Variants in QKI observed in about 807,000 individuals in gnomAD.
QKI encodes QKI, KH domain containing RNA binding.
A neutral mutation model predicts 39.0 loss-of-function variants in QKI; 10 were observed. That is an observed-to-expected ratio of 0.26 (90% confidence interval 0.16 to 0.43). The LOEUF is 0.43. QKI is among the 20% of genes least tolerant of loss of function. The pLI, the probability that QKI is intolerant of heterozygous loss-of-function variation, is 1.00. For synonymous variants in QKI, 204 were observed against 155.4 expected (o/e 1.31, Z -2.33); for missense variants, 218 against 428.0 (o/e 0.51, Z 4.33).
chr6:163,506,883 C>A (rs113299922), intron 3 of QKI, among the ~76,000 whole-genome samples: 2,016 of 152,260 alleles, frequency 0.013, 45 homozygotes, highest in South Asian at 0.062. Flanking sequence ...TTACCCACTT[C>A]ATTCCTCCCA....
chr6:163,427,009 C>T (rs1788457884), intron 1 of QKI, among the ~76,000 whole-genome samples: 2 of 152,250 alleles, frequency 1.3e-5, no homozygotes, highest in South Asian at 4.1e-4. Flanking sequence ...TTCTGGGGCA[C>T]AAGGCTTCCC....
intron 3 of QKI, among the ~76,000 whole-genome samples, chr6:163,510,692 C>G (rs1466171733): frequency 1.3e-5 from 2 of 151,976 alleles, no homozygotes; most frequent in Admixed American, 6.6e-5. Context: ...AAATAGATTG[C>G]AACAGAAAAA....
chr6:163,435,530 G>C (rs1291294800), intron 1 of QKI, among the ~76,000 whole-genome samples: 3 of 152,140 alleles, frequency 2.0e-5, no homozygotes, highest in Non-Finnish European at 4.4e-5. Flanking sequence ...TGCTTGGCCT[G>C]CTTAGTTCAG....
Position 163,566,753 on chromosome 6 carries a change from A to G in QKI, c.967A>G (p.Met323Val), listed in dbSNP as rs1455765936. ...AVATKVRRHD[M>V]RVHPYQRIVT... ...GGCTACTAAAGTTCGAAGGCACGAT[A>G]TGCGTGTCCATCCTTACCAAAGGAT... Residue 323 changes from methionine (M) to valine (V), a missense_variant, in exon 7 of 8, where the codon ATG (methionine) becomes GTG (valine). Met to Val is a conservative substitution (Grantham distance 21). This residue lies in a region of QKI where 117 missense variants were observed against 186.0 expected (regional missense o/e 0.63). Coordinates refer to ENST00000361752, the MANE Select transcript of QKI (RefSeq NM_006775.3). The G allele has an allele frequency of 5.0e-6, 8 of 1,613,744 alleles. No individual in the cohort carries two copies. The highest frequency in any genetic ancestry group is 6.8e-6 in the Non-Finnish European group (8 of 1,179,876).
chr6:163,434,698 G>A (rs939210317), intron 1 of QKI, among the ~76,000 whole-genome samples: 3 of 151,778 alleles, frequency 2.0e-5, no homozygotes, highest in African/African-American at 7.3e-5. Context: ...CTGGGCAACA[G>A]TGTGAGACTC....
intron 3 of QKI, among the ~76,000 whole-genome samples, chr6:163,500,738 C>CA (rs1473702472): frequency 6.6e-6 from 1 of 152,096 alleles, no homozygotes; most frequent in Non-Finnish European, 1.5e-5. Context: ...AAAAAACCAA[C>CA]AAATACTTTA....
intron 1 of QKI, among the ~76,000 whole-genome samples, chr6:163,433,103 T>G (rs1216421986): frequency 1.3e-5 from 2 of 152,186 alleles, no homozygotes; most frequent in Admixed American, 1.3e-4. Flanking sequence ...ACAAGAGGCT[T>G]CTTTTTACAT....
chr6:163,553,092 T>G (rs1455512140), intron 4 of QKI, among the ~76,000 whole-genome samples: 1 of 137,716 alleles, frequency 7.3e-6, no homozygotes, highest in Non-Finnish European at 1.5e-5. Context: ...ATTTATTTAT[T>G]TATTTATTTA....
intron 2 of QKI, among the ~76,000 whole-genome samples, chr6:163,466,516 A>G (rs868182596): frequency 6.6e-6 from 1 of 152,342 alleles, no homozygotes; most frequent in Middle Eastern, 3.4e-3. Flanking sequence ...TGCTTCTGGC[A>G]TAAAAACAGA....
intron 4 of QKI, among the ~76,000 whole-genome samples, chr6:163,557,869 G>A (rs549009441): frequency 1.3e-5 from 2 of 151,948 alleles, no homozygotes; most frequent in East Asian, 3.9e-4. Flanking sequence ...AAGATCTTGG[G>A]AGTCCACTGC....
intron 3 of QKI, among the ~76,000 whole-genome samples, chr6:163,494,060 C>T (rs556173719): frequency 2.0e-5 from 3 of 152,264 alleles, no homozygotes; most frequent in South Asian, 4.1e-4. Flanking sequence ...CCTAAATTTG[C>T]TGTATACCTT....
chr6:163,456,276 A>T (rs1386739851), intron 2 of QKI, among the ~76,000 whole-genome samples: 2 of 152,056 alleles, frequency 1.3e-5, no homozygotes, highest in Non-Finnish European at 2.9e-5. Context: ...TAGCACTTAT[A>T]ATCGGGCATT....
chr6:163,499,553 T>G (rs956667849), intron 3 of QKI, among the ~76,000 whole-genome samples: 12 of 152,222 alleles, frequency 7.9e-5, no homozygotes, highest in Non-Finnish European at 1.6e-4. Flanking sequence ...TTAGCATCAC[T>G]GACAGTGTAC....
intron 1 of QKI, among the ~76,000 whole-genome samples, chr6:163,417,292 T>A (rs945258673): frequency 1.3e-5 from 2 of 152,134 alleles, no homozygotes; most frequent in African/African-American, 4.8e-5. Flanking sequence ...AGGAATCCTT[T>A]ATCGACGATA....
At chr6:163,438,758 T>G (rs568593644) in intron 1 of QKI, among the ~76,000 whole-genome samples, 1 of 152,256 alleles carries the variant, frequency 6.6e-6, no homozygotes, top group East Asian at 1.9e-4. Context: ...TGAGTGAATG[T>G]GTGAAAGTCC....
At chr6:163,524,938 T>C (rs962334197) in intron 3 of QKI, among the ~76,000 whole-genome samples, 3 of 152,220 alleles carry the variant, frequency 2.0e-5, no homozygotes, top group Non-Finnish European at 2.9e-5. Context: ...ACTATCTTTA[T>C]GTCTCTTTTG....
chr6:163,521,733 C>T (rs1482757387), intron 3 of QKI, among the ~76,000 whole-genome samples: 1 of 152,104 alleles, frequency 6.6e-6, no homozygotes, highest in Non-Finnish European at 1.5e-5. Context: ...GTTGGCCAGG[C>T]TGGTCTTGAA....
At chr6:163,531,971 T>C (rs1160885130) in intron 3 of QKI, among the ~76,000 whole-genome samples, 1 of 152,264 alleles carries the variant, frequency 6.6e-6, no homozygotes, top group Non-Finnish European at 1.5e-5. Flanking sequence ...TAGATGTAGC[T>C]TTCTCCTATT....
intron 1 of QKI, among the ~76,000 whole-genome samples, chr6:163,420,066 GCTTTGA>G (rs1177399710): frequency 1.3e-5 from 2 of 151,512 alleles, no homozygotes; most frequent in African/African-American, 2.4e-5. Flanking sequence ...AAACCCTCAT[GCTTTGA>G]CCTGGCCTTC....
Sources: gnomAD v4.1 joint callset for allele counts (sites outside exome capture counted in the v4.1 genomes callset) on GRCh38, gnomAD v4.1.1 for gene constraint, gnomAD v4.1.1 regional missense constraint, MANE v1.5 for transcripts, NCBI Gene and HGNC (gene_info 2026-07-23, HGNC 2026-07-21) for gene names.